The following FAM209A variants were observed in gnomAD, a reference collection of about 807,000 sequenced individuals.
FAM209A encodes protein FAM209A.
In FAM209A, 4 loss-of-function variants were observed where a neutral mutation model predicts 9.8. The ratio of observed to expected loss-of-function variants is 0.41; its 90% CI spans 0.20 to 0.94. FAM209A has a LOEUF of 0.94. Ranked by LOEUF, FAM209A falls within the 40% of genes least tolerant of loss-of-function variation. The probability of loss-of-function intolerance (pLI) is 0.32; values close to 1 mark genes in which losing one functional copy is unlikely to be tolerated. For missense variants in FAM209A, 205 were observed against 209.4 expected (o/e 0.98, Z 0.13); for synonymous variants, 55 against 77.8 (o/e 0.71, Z 1.54).
Position 56,525,140 on chromosome 20 carries a change from C to G in FAM209A, c.249+83C>G. The G allele has an allele frequency of 7.7e-6, 12 of 1,562,154 alleles. No individual in the cohort carries two copies. The South Asian group carries it at 1.2e-4, about 16-fold the overall frequency. ...AAACGGATGTTCTAGTGAGTCTAGA[C>G]GGCACCGTTGGGTATAATGAACCGA... On this transcript the variant is annotated intron_variant, in intron 1 of 1. Transcript: ENST00000371328.
At chr20:56,525,422 C>T (rs560092366) in intron 1 of FAM209A, among the ~76,000 whole-genome samples, 1 of 152,274 alleles carries the variant, frequency 6.6e-6, no homozygotes, top group South Asian at 2.1e-4. Flanking sequence ...TAGTGTTTGA[C>T]TTACTACAAA....
chr20:56,533,501 G>A, the FAM209A span: 1 of 1,614,174 alleles, frequency 6.2e-7, no homozygotes, highest in African/African-American at 1.3e-5. Context: ...GCACACCCAA[G>A]GCTGGCTTGG....
At chr20:56,530,999 G>A (rs1188193617), downstream of FAM209A, among the ~76,000 whole-genome samples, 1 of 152,204 alleles carries the variant, frequency 6.6e-6, no homozygotes, top group Non-Finnish European at 1.5e-5. Context: ...TACAAGCCGT[G>A]CATTCCAGCA....
At chr20:56,529,035 T>A (rs180951363), downstream of FAM209A, among the ~76,000 whole-genome samples, 2 of 143,292 alleles carry the variant, frequency 1.4e-5, no homozygotes, top group Non-Finnish European at 3.1e-5. Flanking sequence ...ATGGTGAAAC[T>A]CTGTCTCTAC....
At chr20:56,528,358 TG>T (rs1353272956), downstream of FAM209A, among the ~76,000 whole-genome samples, 2 of 136,246 alleles carry the variant, frequency 1.5e-5, no homozygotes, top group Non-Finnish European at 1.5e-5. Flanking sequence ...TATGGGAAAT[TG>T]GGGAAGGCAG....
downstream of FAM209A, among the ~76,000 whole-genome samples, chr20:56,528,520 G>C (rs144653940): frequency 6.6e-6 from 1 of 151,540 alleles, no homozygotes; most frequent in Non-Finnish European, 1.5e-5. Context: ...AGGATCCCCT[G>C]AGCCCAGGAG....
chr20:56,533,130 T>A, the FAM209A span: 5 of 1,423,048 alleles, frequency 3.5e-6, no homozygotes, highest in East Asian at 1.2e-4. Flanking sequence ...TCTGACTGCC[T>A]GCTGGAAATG....
chr20:56,526,491 T>C (rs564111573), downstream of FAM209A, among the ~76,000 whole-genome samples: 11 of 152,258 alleles, frequency 7.2e-5, no homozygotes, highest in South Asian at 2.3e-3. Context: ...ATGATAGTTT[T>C]AAAATGGTAA....
downstream of FAM209A, among the ~76,000 whole-genome samples, chr20:56,529,777 C>T (rs1985678673): frequency 1.3e-5 from 2 of 151,164 alleles, no homozygotes; most frequent in African/African-American, 4.9e-5. Flanking sequence ...TGCAGTGAGC[C>T]GAGATCACGC....
In FAM209A at chr20:56,524,991, C is replaced by G. The variant is rs1270560438; in HGVS notation, c.183C>G (p.Leu61=). 18 of 1,614,086 alleles carry G rather than the reference C, an allele frequency of 1.1e-5. No homozygotes were observed. The highest frequency in any genetic ancestry group is 1.5e-5 in the Non-Finnish European group (18 of 1,180,054). Residue 61 remains leucine (L), a synonymous_variant, in exon 1 of 2, where the codon CTC becomes CTG. Coordinates refer to ENST00000371328, the MANE Select transcript of FAM209A (RefSeq NM_001012971.4). Reference sequence around the variant, plus strand: ...AAGGCTGGCTTGGGAGCAAATGGCTCTGGCTTCTTTTTGTTGTTGTGCCGT... The same window carrying G: ...AAGGCTGGCTTGGGAGCAAATGGCTGTGGCTTCTTTTTGTTGTTGTGCCGT... ...HTQGWLGSKW[L]WLLFVVVPFV...
In FAM209A at chr20:56,525,906, G is replaced by A; in HGVS notation, c.352G>A (p.Glu118Lys). 4 of 1,614,182 alleles carry A rather than the reference G, an allele frequency of 2.5e-6. No homozygotes were observed. Among genetic ancestry groups the A allele is most frequent in the Non-Finnish European group, 2.5e-6 (3 of 1,180,024 alleles). ...AGACTGTGCATTCAATACCTTAATGGAACTCGAGGTGGAGCTTATGAAATT... is the reference window on the plus strand; with the variant it reads ...AGACTGTGCATTCAATACCTTAATGAAACTCGAGGTGGAGCTTATGAAATT... ...NKDCAFNTLM[E>K]LEVELMKFVS... The change falls in exon 2 of 2, where the codon GAA (glutamate) becomes AAA (lysine). Residue 118 changes from glutamate to lysine, a missense_variant. Glu to Lys is a moderately conservative substitution (Grantham distance 56). Coordinates refer to ENST00000371328, the MANE Select transcript of FAM209A (RefSeq NM_001012971.4).
chr20:56,531,026 TC>T (rs1665022842), downstream of FAM209A, among the ~76,000 whole-genome samples: 1 of 152,164 alleles, frequency 6.6e-6, no homozygotes, highest in Admixed American at 6.5e-5. Context: ...ATTTCTTGTT[TC>T]ATGTCATTTT....
rs1293741757 is a variant in FAM209A, at chr20:56,525,794, T to C, written c.250-10T>C. The C allele has an allele frequency of 1.2e-6, 2 of 1,611,756 alleles. No individual in the cohort carries two copies. The highest frequency in any genetic ancestry group is 1.7e-6 in the Non-Finnish European group (2 of 1,179,020). ...ACAATATTACTGACCTTGAGTATCT[T>C]TCCTGACAGGAGCAGAGTCCTCCTG... On this transcript the variant is annotated splice_polypyrimidine_tract_variant and intron_variant, in intron 1 of 1. Coordinates refer to ENST00000371328, the MANE Select transcript of FAM209A (RefSeq NM_001012971.4).
chr20:56,529,092 C>T (rs1398117509), downstream of FAM209A, among the ~76,000 whole-genome samples: 1 of 151,902 alleles, frequency 6.6e-6, no homozygotes, highest in East Asian at 1.9e-4. Context: ...CCTGTAATCC[C>T]AGCTACTTGG....
In FAM209A at chr20:56,524,900, A is replaced by G; in HGVS notation, c.92A>G (p.Glu31Gly). The change falls in exon 1 of 2, where the codon GAA becomes GGA. Residue 31 changes from glutamate to glycine, a missense_variant. Glu to Gly is a moderately conservative substitution (Grantham distance 98). Coordinates refer to ENST00000371328, the MANE Select transcript of FAM209A (RefSeq NM_001012971.4). ...TCTTCTCTGAGACAGAAAACTAGCG[A>G]ACCCCAGGGGAAGGTGCAATACGGA... ...MFSSLRQKTS[E>G]PQGKVQYGEH... 1 of 1,614,094 alleles carries G rather than the reference A, an allele frequency of 6.2e-7. No individual in the cohort carries two copies. The highest frequency in any genetic ancestry group is 1.3e-5 in the African/African-American group (1 of 75,060).
chr20:56,525,700 A>G, intron 1 of FAM209A, 104 bp from the exon 2 acceptor site: 1 of 1,155,584 alleles, frequency 8.7e-7, no homozygotes, highest in Non-Finnish European at 1.2e-6. Context: ...CTTTGTGGGC[A>G]GTATGGTCTT....
downstream of FAM209A, among the ~76,000 whole-genome samples, chr20:56,527,210 GTT>G (rs879382039): frequency 6.9e-6 from 1 of 144,800 alleles, no homozygotes; most frequent in African/African-American, 2.5e-5. Context: ...TTACAGGTGT[GTT>G]TTTTTTTTTG....
chr20:56,533,168 C>T, the FAM209A span: 36 of 1,475,864 alleles, frequency 2.4e-5, no homozygotes, highest in African/African-American at 4.2e-5. Context: ...GTCCTCCTCC[C>T]GGGCGACTCC....
chr20:56,525,029 A>C lies in FAM209A; in HGVS notation c.221A>C (p.Gln74Pro). 1 of 1,614,196 alleles carries C rather than the reference A, an allele frequency of 6.2e-7. No homozygotes were observed. Among genetic ancestry groups the C allele is most frequent in the East Asian group, 2.2e-5 (1 of 44,884 alleles). The change falls in exon 1 of 2, where the codon CAG becomes CCG. Residue 74 changes from glutamine (Q) to proline (P), a missense_variant. Coordinates refer to ENST00000371328, the MANE Select transcript of FAM209A (RefSeq NM_001012971.4). ...GTTGTTGTGCCGTTTGTGATACTGC[A>C]GTGTCAAAGAGACAGTGAGAAGAAT... Reference protein sequence around the residue: ...LFVVVPFVILQCQRDSEKNKE... With the variant: ...LFVVVPFVILPCQRDSEKNKE...
Sources: allele counts gnomAD v4.1 joint callset (sites outside exome capture counted in the v4.1 genomes callset), GRCh38; gene constraint gnomAD v4.1.1; transcripts MANE v1.5; gene names NCBI Gene and HGNC (gene_info 2026-07-23, HGNC 2026-07-21).